Variants in ERICH6B observed in about 807,000 individuals in gnomAD.
ERICH6B encodes the protein glutamate-rich protein 6B.
ERICH6B carries 69 observed loss-of-function variants against 80.0 expected under a neutral mutation model. The observed-to-expected ratio is 0.86, with a 90% CI of 0.71 to 1.05. The LOEUF (loss-of-function observed/expected upper bound fraction) is 1.05, where lower values mean the gene tolerates loss of function less well. ERICH6B is among the 50% of genes least tolerant of loss of function. ERICH6B has a pLI of 0.00. For missense variants in ERICH6B, 754 were observed against 796.1 expected (o/e 0.95, Z 0.64); for synonymous variants, 283 against 291.9 (o/e 0.97, Z 0.31).
intron 2 of ERICH6B, among the ~76,000 whole-genome samples, chr13:45,597,713 C>T (rs1876457831): frequency 6.6e-6 from 1 of 152,202 alleles, no homozygotes; most frequent in Admixed American, 6.5e-5. Flanking sequence ...CTCTTCTGCT[C>T]CATCCATGTC....
intron 8 of ERICH6B, among the ~76,000 whole-genome samples, chr13:45,571,400 C>T (rs1482568659): frequency 1.3e-5 from 2 of 151,982 alleles, no homozygotes; most frequent in East Asian, 3.9e-4. Flanking sequence ...TCCTTGCTTA[C>T]CAAAAACTAT....
At chr13:45,574,796 T>G in intron 8 of ERICH6B, 46 bp downstream of exon 8, 7 of 1,431,842 alleles carry the variant, frequency 4.9e-6, no homozygotes, top group Non-Finnish European at 6.7e-6. Context: ...CCACCCTACA[T>G]TTGGAGGAAG....
chr13:45,563,818 C>G, intron 9 of ERICH6B, 30 bp from the exon 10 acceptor site: 1 of 1,535,266 alleles, frequency 6.5e-7, no homozygotes. Flanking sequence ...TCTTTAGAAG[C>G]CAAGACTAAG....
At chr13:45,615,352 G>A (rs1305514202) in intron 1 of ERICH6B, among the ~76,000 whole-genome samples, 1 of 152,148 alleles carries the variant, frequency 6.6e-6, no homozygotes, top group Non-Finnish European at 1.5e-5. Context: ...ATCCACACTC[G>A]CACTTCCCCC....
chr13:45,590,743 T>C, intron 3 of ERICH6B, 46 bp from the exon 4 acceptor site: 2 of 1,494,212 alleles, frequency 1.3e-6, no homozygotes, highest in Non-Finnish European at 9.1e-7. Flanking sequence ...AAAAAGCATC[T>C]TTCTTTCTAT....
chr13:45,604,322 A>C (rs1249163104), intron 2 of ERICH6B, among the ~76,000 whole-genome samples: 1 of 152,214 alleles, frequency 6.6e-6, no homozygotes, highest in Non-Finnish European at 1.5e-5. Context: ...GCTTAGTCTT[A>C]TCTGTATCCT....
At chr13:45,599,281 C>T (rs1001572109) in intron 2 of ERICH6B, among the ~76,000 whole-genome samples, 4 of 152,036 alleles carry the variant, frequency 2.6e-5, no homozygotes, top group Admixed American at 6.6e-5. Context: ...GAAAGTTGGC[C>T]GTGTGGAGAG....
chr13:45,573,563 G>T (rs1172483565), intron 8 of ERICH6B, among the ~76,000 whole-genome samples: 1 of 152,264 alleles, frequency 6.6e-6, no homozygotes, highest in Non-Finnish European at 1.5e-5. Context: ...AGTACTTAAA[G>T]AAATTAAAAA....
chr13:45,550,564 A>G (rs995032673), intron 11 of ERICH6B, among the ~76,000 whole-genome samples: 7 of 152,188 alleles, frequency 4.6e-5, no homozygotes, highest in African/African-American at 1.7e-4. Flanking sequence ...ATTGCATTAG[A>G]TTCCCAGGGA....
chr13:45,581,043 G>A (rs915070601), intron 5 of ERICH6B, among the ~76,000 whole-genome samples: 8 of 152,164 alleles, frequency 5.3e-5, no homozygotes, highest in African/African-American at 1.9e-4. Flanking sequence ...TGGCTCCAAG[G>A]CCATGTAGAC....
rs1874156078 is a variant in ERICH6B at position 45,550,083 on chromosome 13, G to T, written c.1494-38C>A. On this transcript the variant is annotated intron_variant, in intron 12 of 14. Transcript: ENST00000298738. ...TAAGGCACAAGTAGTCAGTCCTTGG[G>T]GTCCCCTGGAAAAGGTAGGGCCCTG... 2.6e-6 allele frequency: 4 copies of T among 1,548,930 alleles called. No homozygotes were observed. In the East Asian group the frequency reaches 7.3e-5, roughly 28 times the overall value.
At chr13:45,577,501 C>T (rs1875467247) in intron 7 of ERICH6B, among the ~76,000 whole-genome samples, 1 of 152,034 alleles carries the variant, frequency 6.6e-6, no homozygotes, top group African/African-American at 2.4e-5. Flanking sequence ...CCAGGATGCT[C>T]TCTACCTCTT....
At chr13:45,541,712 T>C in intron 14 of ERICH6B, 32 bp from the exon 15 acceptor site, 2 of 1,545,374 alleles carry the variant, frequency 1.3e-6, no homozygotes, top group South Asian at 1.2e-5. Flanking sequence ...TGGGTGAGAA[T>C]GCATGCTGCC....
At chr13:45,585,428 CAT>C (rs1875859502) in intron 5 of ERICH6B, among the ~76,000 whole-genome samples, 1 of 152,182 alleles carries the variant, frequency 6.6e-6, no homozygotes, top group South Asian at 2.1e-4. Context: ...CAGACACAAT[CAT>C]ATACCTGTTG....
At chr13:45,610,623 A>G (rs1190365946) in intron 1 of ERICH6B, among the ~76,000 whole-genome samples, 2 of 152,196 alleles carry the variant, frequency 1.3e-5, no homozygotes. Flanking sequence ...GGTGCAGTCT[A>G]TTGCTATATG....
At chr13:45,548,370 C>T (rs1375060047) in intron 13 of ERICH6B, among the ~76,000 whole-genome samples, 1 of 152,196 alleles carries the variant, frequency 6.6e-6, no homozygotes, top group Admixed American at 6.5e-5. Context: ...CTCTGGGAGG[C>T]TTTTCCATAA....
At chr13:45,599,028 C>T (rs1949807746) in intron 2 of ERICH6B, among the ~76,000 whole-genome samples, 1 of 152,252 alleles carries the variant, frequency 6.6e-6, no homozygotes, top group Non-Finnish European at 1.5e-5. Flanking sequence ...TGCTTCCTCT[C>T]CCTTTTTCCT....
intron 7 of ERICH6B, among the ~76,000 whole-genome samples, chr13:45,578,044 C>T (rs1024569014): frequency 6.6e-6 from 1 of 152,210 alleles, no homozygotes; most frequent in Non-Finnish European, 1.5e-5. Flanking sequence ...CGAATCTTTT[C>T]CTAGGTCCAT....
intron 3 of ERICH6B, among the ~76,000 whole-genome samples, chr13:45,595,150 G>A (rs1457246680): frequency 2.0e-5 from 3 of 152,212 alleles, no homozygotes; most frequent in African/African-American, 7.2e-5. Flanking sequence ...GCATACCAGT[G>A]TCTGTTGACC....
Sources: gnomAD v4.1 joint callset for allele counts (sites outside exome capture counted in the v4.1 genomes callset) on GRCh38, gnomAD v4.1.1 for gene constraint, MANE v1.5 for transcripts, NCBI Gene and HGNC (gene_info 2026-07-23, HGNC 2026-07-21) for gene names.